Variants in VANGL1 observed in about 807,000 individuals in gnomAD.
VANGL1 encodes vang-like protein 1.
In VANGL1, 18 loss-of-function variants were observed where a neutral mutation model predicts 48.4. The ratio of observed to expected loss-of-function variants is 0.37; its 90% confidence interval spans 0.26 to 0.55. VANGL1 has a LOEUF of 0.55. Among genes scored for constraint, VANGL1 ranks in the 20% least tolerant of loss-of-function variants. The probability of loss-of-function intolerance (pLI) is 0.81; values close to 1 mark genes in which losing one functional copy is unlikely to be tolerated. For missense variants in VANGL1, 667 were observed against 675.8 expected, an observed-to-expected ratio of 0.99 and a Z score of 0.14; for synonymous variants, 257 against 261.8, an observed-to-expected ratio of 0.98 and a Z score of 0.18.
At position 115,695,603 on chromosome 1, in the gene VANGL1, A is replaced by G. The variant is rs1181547831; in HGVS notation, c.*4224A>G. On this transcript the variant is annotated 3_prime_UTR_variant, in exon 8 of 8. Transcript: ENST00000355485. The stretch of plus-strand genomic sequence containing the variant: ...GTTTTGGATCACATTTTGACAAAAC[A>G]TGTTTTGGTCAAAGAAAGGAAAGGC... 6.6e-6 allele frequency: 1 copy of G among 152,432 alleles called. No individual in the cohort carries two copies. The highest frequency in any genetic ancestry group is 1.5e-5 in the Non-Finnish European group (1 of 68,048). 9.4% of individuals were successfully genotyped at this position (152,432 alleles called of 1,614,324 possible). A position where few individuals can be genotyped will look rare whatever the true frequency, so the allele number is the denominator to read the frequency against.
Position 115,680,360 on chromosome 1 carries a change from C to A in VANGL1, c.813-2004C>A, listed in dbSNP as rs142944151. Among the ~76,000 whole-genome samples the A allele has an allele frequency of 3.5e-3, 532 of 152,314 alleles. 3 individuals carry two copies. Among genetic ancestry groups the A allele is most frequent in the African/African-American group, 0.01 (419 of 41,568 alleles). ...CATACTCACTGTCATGGGGTTCATGCTCCAGGTACCAGCTAAGGTCTATCT... is the reference window on the plus strand; with the variant it reads ...CATACTCACTGTCATGGGGTTCATGATCCAGGTACCAGCTAAGGTCTATCT... On this transcript the variant is annotated intron_variant, in intron 4 of 7. Transcript: ENST00000355485.
At chr1:115,689,141 T>C (rs2101037588) in intron 7 of VANGL1, among the ~76,000 whole-genome samples, 1 of 138,144 alleles carries the variant, frequency 7.2e-6, no homozygotes, top group South Asian at 2.4e-4. Flanking sequence ...ATGTTAATTT[T>C]CCAATAATGT....
intron 4 of VANGL1, among the ~76,000 whole-genome samples, chr1:115,676,475 T>C (rs1653170456): frequency 6.6e-6 from 1 of 152,198 alleles, no homozygotes; most frequent in East Asian, 1.9e-4. Context: ...CTTCAACATA[T>C]ATGGCCATAT....
Position 115,683,924 on chromosome 1 carries a change from T to C in VANGL1, c.947-20T>C, listed in dbSNP as rs1160009667. The stretch of plus-strand genomic sequence containing the variant: ...CCCTCGTGGTATTAACACTATTCTT[T>C]CACTGTCCTTTCCCCAAAGGCCCCA... On this transcript the variant is annotated intron_variant, in intron 5 of 7. Transcript: ENST00000355485. 1 of 1,612,434 alleles carries C rather than the reference T, an allele frequency of 6.2e-7. No individual in the cohort carries two copies. The highest frequency in any genetic ancestry group is 1.1e-5 in the South Asian group (1 of 91,046).
At chr1:115,666,784 TGGC>T (rs1401783336) in intron 4 of VANGL1, among the ~76,000 whole-genome samples, 1 of 152,278 alleles carries the variant, frequency 6.6e-6, no homozygotes, top group African/African-American at 2.4e-5. Flanking sequence ...GTGGAAAGAA[TGGC>T]TGGGGAAAGA....
intron 1 of VANGL1, among the ~76,000 whole-genome samples, chr1:115,642,469 C>A (rs1344175613): frequency 2.0e-5 from 3 of 152,032 alleles, no homozygotes; most frequent in Non-Finnish European, 4.4e-5. Context: ...GCGGGCAGGC[C>A]GGCAGGGAGT....
rs1221443949 is a variant in VANGL1 at position 115,691,856 on chromosome 1, G to A, written c.*477G>A. On this transcript the variant is annotated 3_prime_UTR_variant, in exon 8 of 8. Coordinates refer to ENST00000355485, the MANE Select transcript of VANGL1 (RefSeq NM_138959.3). ...CAGTATCACATCACCCATGAAAGTC[G>A]TGGGCAGTTCAGGAGATACCTGCCT... The A allele has an allele frequency of 3.1e-5, 5 of 159,476 alleles. No homozygotes were observed. The highest frequency in any genetic ancestry group is 6.9e-5 in the Non-Finnish European group (5 of 72,104). 9.9% of individuals were successfully genotyped at this position (159,476 alleles called of 1,614,324 possible).
intron 3 of VANGL1, among the ~76,000 whole-genome samples, chr1:115,662,487 T>C (rs766150802): frequency 8.5e-5 from 13 of 152,242 alleles, no homozygotes; most frequent in Non-Finnish European, 1.8e-4. Flanking sequence ...AACAAAATCC[T>C]TTAAAATTCT....
intron 4 of VANGL1, among the ~76,000 whole-genome samples, chr1:115,667,802 A>C (rs1445380817): frequency 6.6e-6 from 1 of 152,254 alleles, no homozygotes; most frequent in Non-Finnish European, 1.5e-5. Context: ...GAAACCCAGA[A>C]GAATAGAAGA....
intron 5 of VANGL1, among the ~76,000 whole-genome samples, chr1:115,683,661 C>T (rs192858395): frequency 1.3e-5 from 2 of 152,240 alleles, no homozygotes; most frequent in East Asian, 3.9e-4. Flanking sequence ...TTGTTTTTGG[C>T]CAACATTTTA....
intron 2 of VANGL1, among the ~76,000 whole-genome samples, chr1:115,653,321 C>G (rs1383322836): frequency 6.6e-6 from 1 of 152,198 alleles, no homozygotes; most frequent in African/African-American, 2.4e-5. Flanking sequence ...GCTCCTGAGA[C>G]AGTCACAAAC....
Position 115,681,505 on chromosome 1 carries a change from TTTTTTTG to T in VANGL1, c.813-852_813-846del, listed in dbSNP as rs1408996571. On this transcript the variant is annotated intron_variant, in intron 4 of 7. Transcript: ENST00000355485. ...GCGGAGGCTCTCTTTTTTTTGTTGT[TTTTTTTG>T]TTTTTTTTTTTGAGACTGAATTTCA... 7.6e-4 allele frequency among the ~76,000 whole-genome samples: 59 copies of T among 77,786 alleles called. 1 individual carries two copies. Among genetic ancestry groups the T allele is most frequent in the African/African-American group, 2.2e-3 (57 of 25,898 alleles). 51.0% of individuals were successfully genotyped at this position (77,786 alleles called of 152,430 possible). A position where few individuals can be genotyped will look rare whatever the true frequency, so the allele number is the denominator to read the frequency against.
At chr1:115,660,132 GGCAGCCCA>G (rs2101328736) in intron 3 of VANGL1, among the ~76,000 whole-genome samples, 1 of 152,314 alleles carries the variant, frequency 6.6e-6, no homozygotes, top group African/African-American at 2.4e-5. Flanking sequence ...AAAAACATGG[GGCAGCCCA>G]GACTGACCAT....
At chr1:115,662,068 A>G (rs1652579036) in intron 3 of VANGL1, among the ~76,000 whole-genome samples, 1 of 152,160 alleles carries the variant, frequency 6.6e-6, no homozygotes, top group Non-Finnish European at 1.5e-5. Flanking sequence ...AGTGTTGGAG[A>G]GTCCTGGCTG....
intron 3 of VANGL1, among the ~76,000 whole-genome samples, chr1:115,660,143 C>G (rs1652492366): frequency 6.6e-6 from 1 of 152,210 alleles, no homozygotes; most frequent in African/African-American, 2.4e-5. Context: ...GCAGCCCAGA[C>G]TGACCATTAC....
In VANGL1 at chr1:115,663,981, G is replaced by A; in HGVS notation, c.525G>A (p.Arg175=). ...IGTWALFFRK[R]RADMPRVFVF... ...CCTGGGCACTTTTTTTCCGCAAGCG[G>A]AGAGCTGACATGCCACGGGTGTTTG... The change falls in exon 4 of 8, where the codon CGG becomes CGA. Residue 175 remains arginine, a synonymous_variant. Transcript: ENST00000355485. 2 of 1,614,216 alleles carry A rather than the reference G, an allele frequency of 1.2e-6. No homozygotes were observed. Among genetic ancestry groups the A allele is most frequent in the Non-Finnish European group, 1.7e-6 (2 of 1,180,028 alleles).
chr1:115,669,636 TAAGATGTGC>T (rs1652904230), intron 4 of VANGL1, among the ~76,000 whole-genome samples: 1 of 23,164 alleles, frequency 4.3e-5, no homozygotes, highest in African/African-American at 7.5e-5. Context: ...TCGTTGTCTG[TAAGATGTGC>T]CATGTAAGAT....
chr1:115,656,249 A>G (rs969931169), intron 2 of VANGL1, among the ~76,000 whole-genome samples: 2 of 152,246 alleles, frequency 1.3e-5, no homozygotes, highest in Non-Finnish European at 2.9e-5. Context: ...GCTGTGTATT[A>G]TAACATTGTG....
rs747601622 is a variant in VANGL1, at chr1:115,685,463, A to G, written c.1250A>G (p.Tyr417Cys). The change falls in exon 7 of 8, where the codon TAC becomes TGC. Residue 417 changes from tyrosine to cysteine, a missense_variant. By Grantham distance (194) the Tyr-to-Cys change is radical. Transcript: ENST00000355485. ...KYLRITRQQN[Y>C]HSMESILQHL... ...CTGCGCATCACCCGGCAGCAGAACTACCACAGCATGGAGAGCATCCTGCAG... is the reference window on the plus strand; with the variant it reads ...CTGCGCATCACCCGGCAGCAGAACTGCCACAGCATGGAGAGCATCCTGCAG... 5 of 1,614,032 alleles carry G rather than the reference A, an allele frequency of 3.1e-6. No individual in the cohort carries two copies. The highest frequency in any genetic ancestry group is 3.3e-5 in the Admixed American group (2 of 60,006).
Sources: gnomAD v4.1 joint callset for allele counts (sites outside exome capture counted in the v4.1 genomes callset) on GRCh38, gnomAD v4.1.1 for gene constraint, MANE v1.5 for transcripts, NCBI Gene and HGNC (gene_info 2026-07-23, HGNC 2026-07-21) for gene names.